SLC25A21: variants seen among roughly 807,000 people sequenced by gnomAD.
SLC25A21 encodes the protein solute carrier family 25 member 21.
SLC25A21 carries 47 observed loss-of-function variants against 43.8 expected under a neutral mutation model. That is an observed-to-expected ratio of 1.07 (90% CI 0.85 to 1.37). The LOEUF (loss-of-function observed/expected upper bound fraction) is 1.37, where lower values mean the gene tolerates loss of function less well. Ranked by LOEUF, SLC25A21 falls within the 40% of genes most tolerant of loss-of-function variation. The pLI is 0.00. For synonymous variants in SLC25A21, 131 were observed against 121.3 expected (o/e 1.08, Z -0.52); for missense variants, 352 against 350.2 (o/e 1.00, Z -0.04).
intron 1 of SLC25A21, among the ~76,000 whole-genome samples, chr14:37,152,590 A>T (rs2138936326): frequency 6.6e-6 from 1 of 152,252 alleles, no homozygotes; most frequent in Admixed American, 6.5e-5. Context: ...GTGAGCCTGC[A>T]GAGCGCAGAG....
intron 1 of SLC25A21, among the ~76,000 whole-genome samples, chr14:37,004,178 T>C (rs1273311045): frequency 6.6e-6 from 1 of 152,200 alleles, no homozygotes. Context: ...AATGGCAAAG[T>C]ATTAATAATG....
chr14:37,090,823 C>T (rs543283535), intron 1 of SLC25A21, among the ~76,000 whole-genome samples: 5 of 152,252 alleles, frequency 3.3e-5, no homozygotes, highest in South Asian at 4.1e-4. Context: ...AACATAGTCA[C>T]ATGTACAGTT....
intron 1 of SLC25A21, among the ~76,000 whole-genome samples, chr14:37,051,174 T>A (rs1447448841): frequency 6.6e-6 from 1 of 152,218 alleles, no homozygotes; most frequent in Non-Finnish European, 1.5e-5. Flanking sequence ...ACTCCATAAG[T>A]CTAAGCACCG....
chr14:37,006,254 T>C (rs540840205), intron 1 of SLC25A21, among the ~76,000 whole-genome samples: 1 of 152,298 alleles, frequency 6.6e-6, no homozygotes, highest in East Asian at 1.9e-4. Context: ...ATGGGCTTTT[T>C]CCATTGTTGT....
chr14:37,072,851 T>C (rs1416664616), intron 1 of SLC25A21, among the ~76,000 whole-genome samples: 1 of 152,232 alleles, frequency 6.6e-6, no homozygotes, highest in Non-Finnish European at 1.5e-5. Flanking sequence ...GGTTATGAAG[T>C]AGTCCTTTCA....
At chr14:36,977,193 T>A (rs1295380057) in intron 1 of SLC25A21, among the ~76,000 whole-genome samples, 1 of 152,202 alleles carries the variant, frequency 6.6e-6, no homozygotes, top group African/African-American at 2.4e-5. Flanking sequence ...TCTGGGGATC[T>A]ATGGCCTAAT....
intron 3 of SLC25A21, among the ~76,000 whole-genome samples, chr14:36,796,823 G>A (rs758761883): frequency 1.3e-5 from 2 of 152,172 alleles, no homozygotes; most frequent in Non-Finnish European, 2.9e-5. Flanking sequence ...GGCTTTGTCG[G>A]AAGATAAACA....
At chr14:37,120,639 G>T (rs975619978) in intron 1 of SLC25A21, among the ~76,000 whole-genome samples, 1 of 152,060 alleles carries the variant, frequency 6.6e-6, no homozygotes, top group African/African-American at 2.4e-5. Flanking sequence ...AAGACACTGC[G>T]CACTACAAGC....
intron 1 of SLC25A21, among the ~76,000 whole-genome samples, chr14:36,962,069 G>A (rs10149180): frequency 0.05 from 7,669 of 152,186 alleles, 289 homozygotes; most frequent in African/African-American, 0.1. Flanking sequence ...TTCCAAGGTG[G>A]TTCTTTCCGA....
At chr14:36,754,247 C>T (rs1420675625) in intron 3 of SLC25A21, among the ~76,000 whole-genome samples, 1 of 152,090 alleles carries the variant, frequency 6.6e-6, no homozygotes, top group Non-Finnish European at 1.5e-5. Flanking sequence ...CTGAGTAGAA[C>T]AAAAGGCTGA....
At chr14:36,862,468 A>G (rs1391280890) in intron 2 of SLC25A21, among the ~76,000 whole-genome samples, 1 of 152,220 alleles carries the variant, frequency 6.6e-6, no homozygotes, top group Non-Finnish European at 1.5e-5. Context: ...AGGGACATGG[A>G]TGAAGCTGGA....
intron 1 of SLC25A21, among the ~76,000 whole-genome samples, chr14:37,147,192 T>TA (rs1165929788): frequency 6.6e-6 from 1 of 152,166 alleles, no homozygotes; most frequent in African/African-American, 2.4e-5. Flanking sequence ...AATACTATTA[T>TA]AAAAAATAAA....
intron 7 of SLC25A21, among the ~76,000 whole-genome samples, chr14:36,699,863 T>C (rs1160046728): frequency 6.6e-6 from 1 of 152,160 alleles, no homozygotes; most frequent in African/African-American, 2.4e-5. Context: ...ACGGCTTCCC[T>C]TGGCTAGGAA....
intron 1 of SLC25A21, among the ~76,000 whole-genome samples, chr14:37,110,216 T>C (rs148245369): frequency 3.3e-5 from 5 of 152,194 alleles, no homozygotes; most frequent in Admixed American, 6.6e-5. Flanking sequence ...CTACTACTTA[T>C]GTTTTATGTT....
At chr14:37,041,455 A>G (rs35844261) in intron 1 of SLC25A21, among the ~76,000 whole-genome samples, 73,554 of 151,916 alleles carry the variant, frequency 0.48, 20,777 homozygotes, top group African/African-American at 0.8. Context: ...AAGAGTTCAA[A>G]TCCAGTCTGA....
chr14:36,694,053 C>T (rs1594494069), intron 7 of SLC25A21, among the ~76,000 whole-genome samples: 1 of 151,984 alleles, frequency 6.6e-6, no homozygotes, highest in Non-Finnish European at 1.5e-5. Context: ...CTAATGCTAT[C>T]CCTCCCCCAG....
At chr14:36,931,269 G>A (rs1295862844) in intron 1 of SLC25A21, among the ~76,000 whole-genome samples, 1 of 152,156 alleles carries the variant, frequency 6.6e-6, no homozygotes, top group African/African-American at 2.4e-5. Flanking sequence ...TTTCTCTGGG[G>A]AAGATCATAC....
chr14:37,009,028 C>G (rs889638871), intron 1 of SLC25A21, among the ~76,000 whole-genome samples: 4 of 152,144 alleles, frequency 2.6e-5, no homozygotes, highest in Non-Finnish European at 5.9e-5. Context: ...CAGGTAAAGA[C>G]GAGAGCACAT....
At chr14:37,086,442 T>C (rs907580890) in intron 1 of SLC25A21, among the ~76,000 whole-genome samples, 1 of 152,152 alleles carries the variant, frequency 6.6e-6, no homozygotes, top group African/African-American at 2.4e-5. Context: ...GTTAGGCTTC[T>C]CAACATAATG....
Sources: gnomAD v4.1 joint callset for allele counts (sites outside exome capture counted in the v4.1 genomes callset) on GRCh38, gnomAD v4.1.1 for gene constraint, MANE v1.5 for transcripts, NCBI Gene and HGNC (gene_info 2026-07-23, HGNC 2026-07-21) for gene names.